AKAP13: variants seen among roughly 807,000 people sequenced by gnomAD.
The protein encoded by AKAP13 is A-kinase anchoring protein 13.
AKAP13 carries 80 observed loss-of-function variants against 264.5 expected under a neutral mutation model. That is an observed-to-expected ratio of 0.30 (90% CI 0.25 to 0.36). AKAP13 has a LOEUF of 0.36. AKAP13 is among the 10% of genes least tolerant of loss of function. The pLI, the probability that AKAP13 is intolerant of heterozygous loss-of-function variation, is 1.00. For missense variants in AKAP13, 3,712 were observed against 3,435.2 expected (o/e 1.08, Z -2.01); for synonymous variants, 1,380 against 1,250.2 (o/e 1.10, Z -2.19).
chr15:85,497,793 A>G (rs1166429442), intron 2 of AKAP13, among the ~76,000 whole-genome samples: 1 of 152,200 alleles, frequency 6.6e-6, no homozygotes, highest in Non-Finnish European at 1.5e-5. Flanking sequence ...TGATAAAGGA[A>G]GTATGGGGTT....
At chr15:85,631,079 G>A (rs2151446943) in intron 8 of AKAP13, among the ~76,000 whole-genome samples, 1 of 151,972 alleles carries the variant, frequency 6.6e-6, no homozygotes, top group Non-Finnish European at 1.5e-5. Flanking sequence ...CCATACAGTA[G>A]AATATTATTT....
chr15:85,693,098 T>C, intron 16 of AKAP13, 179 bp from the exon 17 acceptor site: 2 of 1,098,598 alleles, frequency 1.8e-6, no homozygotes, highest in South Asian at 4.0e-5. Context: ...TAATGTAGCT[T>C]GCGTGCCAAC....
At position 85,735,564 on chromosome 15, in the gene AKAP13, C is replaced by T. The variant is rs201887818; in HGVS notation, c.7446C>T (p.Gly2482=). The T allele has an allele frequency of 2.8e-5, 45 of 1,605,616 alleles. No individual in the cohort carries two copies. Among genetic ancestry groups the T allele is most frequent in the East Asian group, 4.5e-5 (2 of 44,792 alleles). Residue 2482 remains glycine (G), a synonymous_variant, in exon 32 of 37, where the codon GGC becomes GGT. Transcript: ENST00000394518. ...DSHQMNASKG[G]EKEEGDDGQD... ...ACAACCCTATTTTTTGTTTAGGAGG[C>T]GAGAAGGAAGAGGGAGATGATGGCC...
chr15:85,439,179 C>T (rs1032030590), intron 1 of AKAP13, among the ~76,000 whole-genome samples: 6 of 151,926 alleles, frequency 3.9e-5, no homozygotes, highest in African/African-American at 1.5e-4. Flanking sequence ...AGACACTTCT[C>T]AAAAGAAGAC....
In AKAP13 at chr15:85,717,326, A is replaced by T; in HGVS notation, c.5772A>T (p.Lys1924Asn). The change falls in exon 21 of 37, where the codon AAA becomes AAT. Residue 1924 changes from lysine (K) to asparagine (N), a missense_variant. Around this residue, in one of 3 missense-constraint regions of AKAP13, gnomAD observed 2,759 missense variants for 2,411.7 expected, o/e 1.14. Coordinates refer to ENST00000394518, the MANE Select transcript of AKAP13 (RefSeq NM_007200.5). ...ATGAGAACATGTCAAACACCTGGAA[A>T]TTCCTGTCTCATTCAACAGACTCAC... The part of the protein sequence containing the change: ...GNDENMSNTW[K>N]FLSHSTDSLN... 1.9e-6 allele frequency: 3 copies of T among 1,612,488 alleles called. No homozygotes were observed. Among genetic ancestry groups the T allele is most frequent in the Non-Finnish European group, 2.5e-6 (3 of 1,179,684 alleles).
At chr15:85,658,271 A>AT (rs777310567) in intron 11 of AKAP13, among the ~76,000 whole-genome samples, 17 of 152,254 alleles carry the variant, frequency 1.1e-4, no homozygotes, top group Admixed American at 3.3e-4. Flanking sequence ...TTTTTTTCTG[A>AT]TTCTTTAATA....
Position 85,740,280 on chromosome 15 carries a change from C to A in AKAP13, c.7608+8C>A. 2 of 1,613,626 alleles carry A rather than the reference C, an allele frequency of 1.2e-6. No homozygotes were observed. Among genetic ancestry groups the A allele is most frequent in the Admixed American group, 3.3e-5 (2 of 60,010 alleles). Reference sequence around the variant, plus strand: ...CTCCTCAGCGCTCTGCAGGTGCGTGCCTTCATCTTCCATCCCTGCGTTTAT... The same window carrying A: ...CTCCTCAGCGCTCTGCAGGTGCGTGACTTCATCTTCCATCCCTGCGTTTAT... On this transcript the variant is annotated splice_region_variant and intron_variant, in intron 34 of 36. Coordinates refer to ENST00000394518, the MANE Select transcript of AKAP13 (RefSeq NM_007200.5).
intron 25 of AKAP13, among the ~76,000 whole-genome samples, chr15:85,722,829 C>T (rs145381478): frequency 2.3e-3 from 353 of 151,646 alleles, no homozygotes; most frequent in Middle Eastern, 0.014. Flanking sequence ...TCTTTAGTTC[C>T]TTTTATTTCA....
chr15:85,395,420 C>A (rs16977810), intron 1 of AKAP13, among the ~76,000 whole-genome samples: 28,530 of 151,918 alleles, frequency 0.19, 3,288 homozygotes, highest in Admixed American at 0.31. Context: ...TGAAATACAC[C>A]CAGGTTTAAA....
chr15:85,516,791 A>T (rs561472285), intron 2 of AKAP13, among the ~76,000 whole-genome samples: 1 of 152,362 alleles, frequency 6.6e-6, no homozygotes, highest in East Asian at 1.9e-4. Flanking sequence ...AGGTATCCAC[A>T]CCACATTACG....
At chr15:85,688,216 C>G (rs565417911) in intron 16 of AKAP13, among the ~76,000 whole-genome samples, 2 of 152,062 alleles carry the variant, frequency 1.3e-5, no homozygotes, top group Admixed American at 6.5e-5. Flanking sequence ...CATAGTGATG[C>G]TAACTCTAAT....
intron 1 of AKAP13, among the ~76,000 whole-genome samples, chr15:85,458,282 T>A (rs770097504): frequency 7.9e-5 from 12 of 151,820 alleles, no homozygotes; most frequent in Non-Finnish European, 1.3e-4. Flanking sequence ...CTTTAGAATA[T>A]AAAGTAGAAA....
chr15:85,540,325 A>G (rs563535888), intron 4 of AKAP13, among the ~76,000 whole-genome samples: 57 of 152,328 alleles, frequency 3.7e-4, no homozygotes, highest in African/African-American at 1.3e-3. Flanking sequence ...CAGTTGATGC[A>G]GTGGGATTAT....
chr15:85,740,539 T>G (rs140882613), intron 34 of AKAP13: 1 of 466,226 alleles, frequency 2.1e-6, no homozygotes, highest in African/African-American at 1.9e-5. Context: ...TCTGGGAGAT[T>G]ACTTCACTTT....
At chr15:85,459,414 G>A (rs1381527768) in intron 1 of AKAP13, among the ~76,000 whole-genome samples, 1 of 149,110 alleles carries the variant, frequency 6.7e-6, no homozygotes, top group Non-Finnish European at 1.5e-5. Flanking sequence ...GGCCAGGCTG[G>A]TTTTGAATGC....
chr15:85,533,992 C>T lies in AKAP13; in HGVS notation c.478+112C>T, dbSNP rs752408546. 21 of 1,186,944 alleles carry T rather than the reference C, an allele frequency of 1.8e-5. No homozygotes were observed. The African/African-American group carries it at 2.5e-4, about 14-fold the overall frequency. 73.5% of individuals were successfully genotyped at this position (1,186,944 alleles called of 1,614,324 possible). A position where few individuals can be genotyped will look rare whatever the true frequency, so the allele number is the denominator to read the frequency against. ...ATATTCAGGTCTTCCACAGAGGCTG[C>T]GTAAATCTTAGAATTACTGTAGGAA... is the stretch of plus-strand genomic sequence containing the variant. On this transcript the variant is annotated intron_variant, in intron 4 of 36. Coordinates refer to ENST00000394518, the MANE Select transcript of AKAP13 (RefSeq NM_007200.5).
At chr15:85,465,195 G>A (rs536128194) in intron 1 of AKAP13, among the ~76,000 whole-genome samples, 10 of 149,530 alleles carry the variant, frequency 6.7e-5, no homozygotes, top group South Asian at 2.1e-4. Context: ...CTTGTGATCC[G>A]CCTGCCTCAG....
At chr15:85,562,852 C>A (rs530128742) in intron 5 of AKAP13, among the ~76,000 whole-genome samples, 21 of 134,424 alleles carry the variant, frequency 1.6e-4, no homozygotes, top group Non-Finnish European at 3.0e-4. Flanking sequence ...TGCGCCACCA[C>A]GCCCAGCAGG....
intron 14 of AKAP13, among the ~76,000 whole-genome samples, chr15:85,675,188 A>G (rs2084157580): frequency 6.6e-6 from 1 of 152,162 alleles, no homozygotes; most frequent in Non-Finnish European, 1.5e-5. Flanking sequence ...ATGTTCTTAG[A>G]TTCTGAGTAA....
Sources: gnomAD v4.1 joint callset for allele counts (sites outside exome capture counted in the v4.1 genomes callset) on GRCh38, gnomAD v4.1.1 for gene constraint, gnomAD v4.1.1 regional missense constraint, MANE v1.5 for transcripts, NCBI Gene and HGNC (gene_info 2026-07-23, HGNC 2026-07-21) for gene names.